NRN1: variants seen among roughly 807,000 people sequenced by gnomAD.
The protein encoded by NRN1 is neuritin 1.
NRN1 carries 4 observed loss-of-function variants against 15.0 expected under a neutral mutation model. The observed-to-expected ratio is 0.27, with a 90% CI of 0.13 to 0.61. NRN1 has a LOEUF of 0.61. Among genes scored for constraint, NRN1 ranks in the 20% least tolerant of loss-of-function variants. The pLI is 0.87. For synonymous variants in NRN1, 85 were observed against 79.8 expected, an observed-to-expected ratio of 1.07 and a Z score of -0.35; for missense variants, 134 against 181.9, an observed-to-expected ratio of 0.74 and a Z score of 1.51.
At chr6:6,003,536 C>T (rs1179308022) in intron 1 of NRN1, among the ~76,000 whole-genome samples, 1 of 152,194 alleles carries the variant, frequency 6.6e-6, no homozygotes, top group African/African-American at 2.4e-5. Context: ...GGCTCCTGGC[C>T]CCAGCTCAGG....
Position 6,006,564 on chromosome 6 carries a change from C to A in NRN1, c.55+131G>T, listed in dbSNP as rs1758115211. ...CGCTAGTCCCCAGGAACTGATGCCC[C>A]CACCCTCGGGGGATTGCCGGCTTCT... On this transcript the variant is annotated intron_variant, in intron 1 of 2. Transcript: ENST00000244766. 3 of 783,026 alleles carry A rather than the reference C, an allele frequency of 3.8e-6. No homozygotes were observed. The South Asian group carries it at 4.4e-5, about 12-fold the overall frequency. The allele number at this position is 783,026 out of a possible 1,614,324, so 48.5% of individuals were successfully genotyped here. A position where few individuals can be genotyped will look rare whatever the true frequency, so the allele number is the denominator to read the frequency against.
chr6:5,999,226 C>G, intron 2 of NRN1, 22 bp from the exon 3 acceptor site: 6 of 1,594,656 alleles, frequency 3.8e-6, no homozygotes, highest in South Asian at 1.1e-5. Context: ...CAGAACAAAA[C>G]AGAACAAGCA....
At chr6:6,006,658 C>T (rs1561906079) in intron 1 of NRN1, 37 bp downstream of exon 1, 4 of 1,606,014 alleles carry the variant, frequency 2.5e-6, no homozygotes, top group Middle Eastern at 1.7e-4. Context: ...GGCTGCCTCC[C>T]GCCTCCAGCC....
chr6:6,004,881 C>G (rs1006120216), intron 1 of NRN1, among the ~76,000 whole-genome samples: 2 of 152,046 alleles, frequency 1.3e-5, no homozygotes, highest in Non-Finnish European at 2.9e-5. Flanking sequence ...CCTCCTGCTG[C>G]GTCTTCTTTC....
rs1249042736 is a variant in NRN1, at chr6:5,998,600, T to A, written c.*376A>T. On this transcript the variant is annotated 3_prime_UTR_variant, in exon 3 of 3. Coordinates refer to ENST00000244766, the MANE Select transcript of NRN1 (RefSeq NM_016588.3). ...ATTAGGAGGAGCCCATCATTTTTCA[T>A]GTTACTAGCATGATTAATATAGTAG... The A allele has an allele frequency of 6.2e-6, 1 of 161,524 alleles. No homozygotes were observed. Among genetic ancestry groups the A allele is most frequent in the South Asian group, 1.7e-4 (1 of 5,830 alleles). The allele number at this position is 161,524 out of a possible 1,614,324, so 10.0% of individuals were successfully genotyped here.
chr6:5,999,030 G>T lies in NRN1; in HGVS notation c.375C>A (p.Phe125Leu). The T allele has an allele frequency of 1.9e-6, 3 of 1,613,690 alleles. No individual in the cohort carries two copies. Among genetic ancestry groups the T allele is most frequent in the Non-Finnish European group, 2.5e-6 (3 of 1,179,868 alleles). Reference protein sequence around the residue: ...NGAAGSLLPAFPVLLVSLSAA... With the variant: ...NGAAGSLLPALPVLLVSLSAA... ...CCGAGAGAGACACCAGGAGCACCGGGAACGCCGGGAGCAGGGACCCCGCCG... is the reference window on the plus strand; with the variant it reads ...CCGAGAGAGACACCAGGAGCACCGGTAACGCCGGGAGCAGGGACCCCGCCG... Residue 125 changes from phenylalanine (F) to leucine (L), a missense_variant, in exon 3 of 3, where the codon TTC becomes TTA. Transcript: ENST00000244766.
intron 2 of NRN1, among the ~76,000 whole-genome samples, 180 bp downstream of exon 2, chr6:6,002,173 G>A (rs1489416051): frequency 3.3e-5 from 5 of 152,262 alleles, no homozygotes; most frequent in African/African-American, 1.2e-4. Flanking sequence ...CCCTTGGGAA[G>A]CGCAGGTTCT....
chr6:6,006,645 G>A (rs1758117631), intron 1 of NRN1, 50 bp downstream of exon 1: 38 of 1,589,096 alleles, frequency 2.4e-5, no homozygotes, highest in Non-Finnish European at 3.0e-5. Flanking sequence ...TCGGGCCGGG[G>A]CAGGCTGCCT....
intron 1 of NRN1, among the ~76,000 whole-genome samples, chr6:6,005,383 A>G (rs2151034549): frequency 6.6e-6 from 1 of 152,308 alleles, no homozygotes; most frequent in East Asian, 1.9e-4. Context: ...AAGCATTGTC[A>G]TTTTTTGGAA....
At chr6:5,999,312 G>A (rs1757865640) in intron 2 of NRN1, 108 bp from the exon 3 acceptor site, 2 of 906,274 alleles carry the variant, frequency 2.2e-6, no homozygotes, top group Non-Finnish European at 3.5e-6. Flanking sequence ...CCAACTTCCC[G>A]GGGTGTCCCC....
At chr6:6,003,866 T>G in intron 1 of NRN1, 1 of 1,231,998 alleles carries the variant, frequency 8.1e-7, no homozygotes, top group Non-Finnish European at 1.0e-6. Flanking sequence ...AGAATCGAAA[T>G]CCGCACTGGC....
chr6:6,000,637 A>AT (rs1757917088), intron 2 of NRN1, among the ~76,000 whole-genome samples: 1 of 151,004 alleles, frequency 6.6e-6, no homozygotes, highest in African/African-American at 2.4e-5. Context: ...AAACAGCAAC[A>AT]TTTGGACATT....
intron 1 of NRN1, among the ~76,000 whole-genome samples, chr6:6,005,610 C>T (rs190461255): frequency 1.3e-5 from 2 of 152,308 alleles, no homozygotes; most frequent in East Asian, 3.9e-4. Context: ...TTACCTAAAG[C>T]ACCCCCTCCC....
chr6:6,007,487 C>T (rs997277456), upstream of NRN1: 1 of 152,708 alleles, frequency 6.5e-6, no homozygotes, highest in Non-Finnish European at 1.5e-5. Flanking sequence ...GCTTGCCTAC[C>T]CTCTTTTTCT....
chr6:6,000,842 T>C (rs1453106906), intron 2 of NRN1, among the ~76,000 whole-genome samples: 1 of 149,988 alleles, frequency 6.7e-6, no homozygotes, highest in African/African-American at 2.5e-5. Context: ...CAGCTCCGTG[T>C]TGAGCAAACA....
chr6:6,003,311 G>A (rs1758014957), intron 1 of NRN1: 7 of 1,176,916 alleles, frequency 5.9e-6, no homozygotes, highest in Non-Finnish European at 7.5e-6. Flanking sequence ...CGGGGTCACG[G>A]ATGAGTCTGC....
chr6:6,005,796 G>C lies in NRN1; in HGVS notation c.55+899C>G, dbSNP rs1041959238. On this transcript the variant is annotated intron_variant, in intron 1 of 2. Transcript: ENST00000244766. Reference sequence around the variant, plus strand: ...TTCTGACCCAGTGTCGGAGAAGGGGGTTTTCTAGTGCCCTCTTCTATATCT... The same window carrying C: ...TTCTGACCCAGTGTCGGAGAAGGGGCTTTTCTAGTGCCCTCTTCTATATCT... Among the ~76,000 whole-genome samples the C allele has an allele frequency of 2.0e-5, 3 of 152,170 alleles. No homozygotes were observed. In the South Asian group the frequency reaches 6.2e-4, roughly 31 times the overall value.
chr6:6,001,709 T>C (rs1757950847), intron 2 of NRN1, among the ~76,000 whole-genome samples: 1 of 152,208 alleles, frequency 6.6e-6, no homozygotes, highest in Non-Finnish European at 1.5e-5. Context: ...ACTCACTCTT[T>C]TTGGGTAAAG....
In NRN1 at chr6:6,006,882, G is replaced by C. The variant is rs1047113400; in HGVS notation, c.-133C>G. ...AGAGACTTTATGCACTGGGAAGGCA[G>C]AGGGAGGAGAGAAAGAGAGGGAGCG... On this transcript the variant is annotated 5_prime_UTR_variant, in exon 1 of 3. Coordinates refer to ENST00000244766, the MANE Select transcript of NRN1 (RefSeq NM_016588.3). 19 of 648,890 alleles carry C rather than the reference G, an allele frequency of 2.9e-5. No individual in the cohort carries two copies. The highest frequency in any genetic ancestry group is 2.4e-4 in the African/African-American group (13 of 54,368). 40.2% of individuals were successfully genotyped at this position (648,890 alleles called of 1,614,324 possible).
Sources: allele counts gnomAD v4.1 joint callset (sites outside exome capture counted in the v4.1 genomes callset), GRCh38; gene constraint gnomAD v4.1.1; transcripts MANE v1.5; gene names NCBI Gene and HGNC (gene_info 2026-07-23, HGNC 2026-07-21).